The following ANKS1B variants were observed in gnomAD, a reference collection of about 807,000 sequenced individuals.
ANKS1B encodes the protein ankyrin repeat and sterile alpha motif domain containing 1B.
A neutral mutation model predicts 148.3 loss-of-function variants in ANKS1B; 36 were observed. That is an observed-to-expected ratio of 0.24 (90% confidence interval 0.19 to 0.32). ANKS1B has a LOEUF of 0.32. ANKS1B is among the 10% of genes least tolerant of loss of function. ANKS1B has a pLI of 1.00. For missense variants in ANKS1B, 1,157 were observed against 1,542.6 expected, an observed-to-expected ratio of 0.75 and a Z score of 4.19; for synonymous variants, 542 against 560.8, an observed-to-expected ratio of 0.97 and a Z score of 0.47.
chr12:98,743,278 T>TGAGA (rs1292152682), downstream of ANKS1B, among the ~76,000 whole-genome samples: 1 of 152,214 alleles, frequency 6.6e-6, no homozygotes, highest in Non-Finnish European at 1.5e-5. Context: ...TTGTGTGTCT[T>TGAGA]GAGAAAAATC....
intron 1 of ANKS1B, among the ~76,000 whole-genome samples, chr12:99,979,147 A>T (rs1002714158): frequency 6.6e-6 from 1 of 152,134 alleles, no homozygotes; most frequent in African/African-American, 2.4e-5. Flanking sequence ...TAAAATGTAG[A>T]GGAAGAAAAG....
intron 10 of ANKS1B, among the ~76,000 whole-genome samples, chr12:99,460,993 C>T (rs1206680487): frequency 3.3e-5 from 5 of 151,674 alleles, no homozygotes; most frequent in Non-Finnish European, 5.9e-5. Context: ...ATAGAACCAG[C>T]CCAAATGCCC....
intron 9 of ANKS1B, among the ~76,000 whole-genome samples, chr12:99,566,546 A>C (rs1490568372): frequency 1.3e-5 from 2 of 152,172 alleles, no homozygotes; most frequent in African/African-American, 2.4e-5. Context: ...TAGAAACTTA[A>C]TCCTTAAATT....
chr12:99,102,636 C>G (rs2058232589), intron 15 of ANKS1B, among the ~76,000 whole-genome samples: 1 of 152,028 alleles, frequency 6.6e-6, no homozygotes, highest in Non-Finnish European at 1.5e-5. Flanking sequence ...CCCGGCTACT[C>G]CGGGGGCTGA....
chr12:99,189,492 A>C (rs921756640), intron 14 of ANKS1B, among the ~76,000 whole-genome samples: 1 of 152,240 alleles, frequency 6.6e-6, no homozygotes, highest in Non-Finnish European at 1.5e-5. Context: ...AAGCTTATCT[A>C]CCACGATCAA....
intron 11 of ANKS1B, among the ~76,000 whole-genome samples, chr12:99,422,868 C>T (rs2095133968): frequency 1.3e-5 from 2 of 151,956 alleles, no homozygotes; most frequent in Admixed American, 6.6e-5. Flanking sequence ...AAATTTCCTA[C>T]AAAGGAGGTA....
At chr12:98,961,981 GAAGA>G (rs1339114399) in intron 17 of ANKS1B, among the ~76,000 whole-genome samples, 1 of 150,656 alleles carries the variant, frequency 6.6e-6, no homozygotes, top group African/African-American at 2.4e-5. Context: ...TTACTAAAAG[GAAGA>G]AAGAAAGAAA....
chr12:99,480,338 TAAGAA>T (rs1339282854), intron 10 of ANKS1B, among the ~76,000 whole-genome samples: 2 of 151,850 alleles, frequency 1.3e-5, no homozygotes, highest in Non-Finnish European at 1.5e-5. Flanking sequence ...CTTTACTTAC[TAAGAA>T]AAGATATTTT....
chr12:99,955,610 A>C (rs1001614589), intron 1 of ANKS1B, among the ~76,000 whole-genome samples: 1 of 151,094 alleles, frequency 6.6e-6, no homozygotes, highest in African/African-American at 2.4e-5. Context: ...ACCTATCTCC[A>C]GAACAACAGT....
At position 99,883,213 on chromosome 12, in the gene ANKS1B, G is replaced by A. The variant is rs546900554; in HGVS notation, c.135-57824C>T. 4.7e-4 allele frequency among the ~76,000 whole-genome samples: 72 copies of A among 152,260 alleles called. 2 individuals carry two copies. The South Asian group carries it at 0.015, about 32-fold the overall frequency. On this transcript the variant is annotated intron_variant, in intron 1 of 26. Transcript: ENST00000683438. ...ATGAGATTTTCAATGTGCAAACAGA[G>A]TCCAAAACTAGGCCTACAAAAGTAT...
intron 16 of ANKS1B, among the ~76,000 whole-genome samples, chr12:99,075,013 A>G (rs2047393630): frequency 2.6e-5 from 4 of 152,168 alleles, no homozygotes; most frequent in African/African-American, 9.7e-5. Context: ...TGTTGTAAAG[A>G]TTTCTCCAAG....
chr12:98,822,898 T>C (rs927872207), intron 19 of ANKS1B, among the ~76,000 whole-genome samples: 1 of 152,228 alleles, frequency 6.6e-6, no homozygotes, highest in African/African-American at 2.4e-5. Context: ...TTTAAGACTA[T>C]AGTACAGTAT....
At chr12:99,748,415 ATT>A (rs34522138) in intron 8 of ANKS1B, among the ~76,000 whole-genome samples, 1 of 149,126 alleles carries the variant, frequency 6.7e-6, no homozygotes, top group African/African-American at 2.5e-5. Context: ...ATCTGAAGAG[ATT>A]TTTTTTTTTA....
rs571188665 is a variant in ANKS1B, at chr12:98,953,666, C to T, written c.2778+99491G>A. On this transcript the variant is annotated intron_variant, in intron 17 of 26. Transcript: ENST00000683438. ...GTGATCTAGGTCTTCTCTTCCTCTT[C>T]CTTAAATTTCACTGGTGTTCATTTT... 2.1e-5 allele frequency among the ~76,000 whole-genome samples: 3 copies of T among 146,024 alleles called. No homozygotes were observed. The East Asian group carries it at 6.3e-4, about 30-fold the overall frequency.
At chr12:98,815,981 C>T (rs1349609703) in intron 19 of ANKS1B, among the ~76,000 whole-genome samples, 1 of 152,138 alleles carries the variant, frequency 6.6e-6, no homozygotes, top group African/African-American at 2.4e-5. Context: ...CTAACAATGA[C>T]CTGCAAGGTT....
At chr12:99,088,347 G>A (rs1565991928) in intron 15 of ANKS1B, among the ~76,000 whole-genome samples, 1 of 152,100 alleles carries the variant, frequency 6.6e-6, no homozygotes, top group East Asian at 1.9e-4. Flanking sequence ...TTCTTTGTAG[G>A]CTTCCTGGTC....
chr12:99,777,608 G>C (rs1311008274), intron 6 of ANKS1B, among the ~76,000 whole-genome samples: 1 of 152,002 alleles, frequency 6.6e-6, no homozygotes, highest in Non-Finnish European at 1.5e-5. Context: ...TGTTTGAGAC[G>C]GAGTCTCGCT....
At chr12:99,158,088 A>C (rs2076265960) in intron 14 of ANKS1B, among the ~76,000 whole-genome samples, 1 of 152,118 alleles carries the variant, frequency 6.6e-6, no homozygotes, top group Non-Finnish European at 1.5e-5. Flanking sequence ...GAAGGAAAAA[A>C]AAGAAGACCC....
intron 17 of ANKS1B, among the ~76,000 whole-genome samples, chr12:98,844,558 T>TGAC (rs1267158906): frequency 3.9e-5 from 6 of 152,238 alleles, no homozygotes; most frequent in Non-Finnish European, 7.3e-5. Flanking sequence ...AGTATGAGGT[T>TGAC]GACAGACCAG....
Sources: allele counts gnomAD v4.1 joint callset (sites outside exome capture counted in the v4.1 genomes callset), GRCh38; gene constraint gnomAD v4.1.1; transcripts MANE v1.5; gene names NCBI Gene and HGNC (gene_info 2026-07-23, HGNC 2026-07-21).